The following CATSPERB variants were observed in gnomAD, a reference collection of about 807,000 sequenced individuals.
The protein encoded by CATSPERB is cation channel sperm-associated auxiliary subunit beta.
CATSPERB carries 93 observed loss-of-function variants against 128.3 expected under a neutral mutation model. The observed-to-expected ratio is 0.72, with a 90% confidence interval of 0.61 to 0.86. The LOEUF (loss-of-function observed/expected upper bound fraction) is 0.86. Ranked by LOEUF, CATSPERB falls within the 40% of genes least tolerant of loss-of-function variation. The pLI is 0.00. For missense variants in CATSPERB, 1,153 were observed against 1,329.5 expected, an observed-to-expected ratio of 0.87 and a Z score of 2.06; for synonymous variants, 381 against 448.8, an observed-to-expected ratio of 0.85 and a Z score of 1.91.
In CATSPERB at chr14:91,708,147, T is replaced by A. The variant is rs1160250764; in HGVS notation, c.460A>T (p.Ile154Phe). The A allele has an allele frequency of 1.9e-6, 3 of 1,604,556 alleles. No individual in the cohort carries two copies. Among genetic ancestry groups the A allele is most frequent in the Non-Finnish European group, 2.6e-6 (3 of 1,172,620 alleles). ...YATEGTLLDV[I>F]REPILQWTPG... ...TCTGTCTGTTGGCATTTACCTCGAA[T>A]AACATCCAATAGAGTTCCTTCAGTA... is the stretch of plus-strand genomic sequence containing the variant. Residue 154 changes from isoleucine (I) to phenylalanine (F), a missense_variant, in exon 6 of 27, where the codon ATT becomes TTT. Ile to Phe is a conservative substitution (Grantham distance 21, BLOSUM62 0). Coordinates refer to ENST00000256343, the MANE Select transcript of CATSPERB (RefSeq NM_024764.4).
At chr14:91,640,065 GCTAA>G (rs1894463678) in intron 15 of CATSPERB, among the ~76,000 whole-genome samples, 1 of 151,962 alleles carries the variant, frequency 6.6e-6, no homozygotes, top group Non-Finnish European at 1.5e-5. Flanking sequence ...GGCTTATGTA[GCTAA>G]CTGCCTTCCA....
intron 4 of CATSPERB, among the ~76,000 whole-genome samples, chr14:91,721,665 A>T (rs8017733): frequency 0.059 from 8,910 of 152,048 alleles, 344 homozygotes; most frequent in East Asian, 0.13. Context: ...CTGGCTAACA[A>T]GGTGAAACCC....
At chr14:91,639,815 A>C (rs1005759383) in intron 15 of CATSPERB, among the ~76,000 whole-genome samples, 2 of 149,772 alleles carry the variant, frequency 1.3e-5, no homozygotes, top group Non-Finnish European at 3.0e-5. Flanking sequence ...AGCTAGAGTG[A>C]AAGATCATGG....
At chr14:91,619,899 G>A (rs1024098162) in intron 19 of CATSPERB, among the ~76,000 whole-genome samples, 3 of 146,162 alleles carry the variant, frequency 2.1e-5, no homozygotes, top group Non-Finnish European at 4.4e-5. Flanking sequence ...GTGTGTGTGT[G>A]TGTGTGTGTG....
chr14:91,581,205 C>G, intron 26 of CATSPERB, 98 bp from the exon 27 acceptor site: 4 of 951,394 alleles, frequency 4.2e-6, no homozygotes, highest in Non-Finnish European at 6.4e-6. Context: ...GAGCAAAACG[C>G]TGCCCAGAGT....
chr14:91,602,200 T>C (rs552899698), intron 22 of CATSPERB, among the ~76,000 whole-genome samples: 66 of 152,292 alleles, frequency 4.3e-4, no homozygotes, highest in African/African-American at 1.6e-3. Flanking sequence ...TAGCTTGGTA[T>C]TTTTCCCTGT....
intron 22 of CATSPERB, among the ~76,000 whole-genome samples, chr14:91,607,536 T>C (rs1227153818): frequency 6.6e-6 from 1 of 152,146 alleles, no homozygotes; most frequent in African/African-American, 2.4e-5. Context: ...CTAGAGCAGA[T>C]CAAGCTGGGA....
At chr14:91,613,389 T>C (rs750312252) in intron 20 of CATSPERB, among the ~76,000 whole-genome samples, 2 of 152,138 alleles carry the variant, frequency 1.3e-5, no homozygotes, top group South Asian at 4.1e-4. Flanking sequence ...GATTAGAACA[T>C]ACAGTTAAAT....
chr14:91,624,695 T>C (rs1894122508), intron 18 of CATSPERB, 125 bp downstream of exon 18: 1 of 630,966 alleles, frequency 1.6e-6, no homozygotes, highest in Non-Finnish European at 2.5e-6. Flanking sequence ...TAAACTTTGG[T>C]AGGTTGCCAG....
At chr14:91,722,033 C>G (rs1344823386) in intron 4 of CATSPERB, among the ~76,000 whole-genome samples, 1 of 151,842 alleles carries the variant, frequency 6.6e-6, no homozygotes, top group Non-Finnish European at 1.5e-5. Context: ...AAGACCCTGT[C>G]TCTAAACAAA....
At chr14:91,606,288 T>C (rs753948483) in intron 22 of CATSPERB, among the ~76,000 whole-genome samples, 1 of 151,938 alleles carries the variant, frequency 6.6e-6, no homozygotes, top group South Asian at 2.1e-4. Context: ...TTGGGGTGGG[T>C]GCAGTGGCTC....
chr14:91,680,281 C>G (rs1025805914), intron 11 of CATSPERB, among the ~76,000 whole-genome samples: 1 of 152,130 alleles, frequency 6.6e-6, no homozygotes, highest in Non-Finnish European at 1.5e-5. Flanking sequence ...ACTATCCAAT[C>G]CTTCTAGGCC....
At chr14:91,704,992 AT>A (rs1895712065) in intron 6 of CATSPERB, among the ~76,000 whole-genome samples, 1 of 152,332 alleles carries the variant, frequency 6.6e-6, no homozygotes, top group Admixed American at 6.5e-5. Flanking sequence ...TTGCCACAGG[AT>A]CTATCCCTAG....
intron 22 of CATSPERB, among the ~76,000 whole-genome samples, chr14:91,599,813 T>A (rs1334515859): frequency 6.6e-6 from 1 of 152,212 alleles, no homozygotes; most frequent in Non-Finnish European, 1.5e-5. Flanking sequence ...CACAAATGGT[T>A]ACATTCTTTT....
At chr14:91,626,188 A>G (rs540842079) in intron 17 of CATSPERB, among the ~76,000 whole-genome samples, 3 of 151,988 alleles carry the variant, frequency 2.0e-5, no homozygotes, top group African/African-American at 7.2e-5. Context: ...AAACTATAAA[A>G]CTCCTAAGAA....
chr14:91,660,112 TCTCTCACACA>T (rs1174945248), intron 14 of CATSPERB, 131 bp from the exon 15 acceptor site: 61 of 582,106 alleles, frequency 1.0e-4, no homozygotes, highest in East Asian at 1.8e-4. Flanking sequence ...TCTCTCTCTC[TCTCTCACACA>T]CACACACACA....
intron 20 of CATSPERB, among the ~76,000 whole-genome samples, chr14:91,616,558 G>A (rs1477469075): frequency 6.6e-6 from 1 of 151,872 alleles, no homozygotes. Flanking sequence ...TAGATGCTAG[G>A]AGTTTAGTAA....
At chr14:91,627,047 G>A (rs754565562) in intron 17 of CATSPERB, among the ~76,000 whole-genome samples, 18 of 152,144 alleles carry the variant, frequency 1.2e-4, no homozygotes, top group Non-Finnish European at 2.4e-4. Flanking sequence ...ACATTTGGTC[G>A]ACCTCATTTG....
Position 91,617,619 on chromosome 14 carries a change from G to A in CATSPERB, c.2378C>T (p.Ala793Val). 1 of 1,584,252 alleles carries A rather than the reference G, an allele frequency of 6.3e-7. No homozygotes were observed. The change falls in exon 20 of 27, where the codon GCA becomes GTA. Residue 793 changes from alanine (A) to valine (V), a missense_variant. By Grantham distance (64) the Ala-to-Val change is moderately conservative. Coordinates refer to ENST00000256343, the MANE Select transcript of CATSPERB (RefSeq NM_024764.4). ...TACCTGATGTAAAACTTTGCTAGCT[G>A]CAGAAATTGTTATTACATAACTGTC... ...DTDSYVITIS[A>V]ASKVLHQGST...
Sources: gnomAD v4.1 joint callset for allele counts (sites outside exome capture counted in the v4.1 genomes callset) on GRCh38, gnomAD v4.1.1 for gene constraint, MANE v1.5 for transcripts, NCBI Gene and HGNC (gene_info 2026-07-23, HGNC 2026-07-21) for gene names.